PACSIN2: variants seen among roughly 807,000 people sequenced by gnomAD.
The protein encoded by PACSIN2 is protein kinase C and casein kinase substrate in neurons 2, also known as protein kinase C and casein kinase substrate in neurons protein 2.
A neutral mutation model predicts 63.8 loss-of-function variants in PACSIN2; 25 were observed. That is an observed-to-expected ratio of 0.39 (90% confidence interval 0.29 to 0.55). The LOEUF is 0.55. PACSIN2 is among the 20% of genes least tolerant of loss of function. The pLI is 0.62. For synonymous variants in PACSIN2, 255 were observed against 256.2 expected (o/e 1.00, Z 0.05); for missense variants, 518 against 646.9 (o/e 0.80, Z 2.16).
chr22:42,934,899 C>T (rs1037810433), intron 1 of PACSIN2, among the ~76,000 whole-genome samples: 1 of 137,188 alleles, frequency 7.3e-6, no homozygotes, highest in Non-Finnish European at 1.5e-5. Context: ...TCTTTCTTTT[C>T]TTTTCTTTCT....
intron 2 of PACSIN2, among the ~76,000 whole-genome samples, chr22:42,901,844 C>T (rs1429902383): frequency 6.6e-6 from 1 of 152,194 alleles, no homozygotes; most frequent in Non-Finnish European, 1.5e-5. Flanking sequence ...ACTCTGGTTC[C>T]ATGGGCTTTG....
In PACSIN2 at chr22:42,911,267, A is replaced by G. The variant is rs1217566818; in HGVS notation, c.60+754T>C. Among the ~76,000 whole-genome samples the G allele has an allele frequency of 8.5e-5, 13 of 152,052 alleles. No individual in the cohort carries two copies. The East Asian group carries it at 2.3e-3, about 27-fold the overall frequency. The stretch of plus-strand genomic sequence containing the variant: ...GGGGTTTTGCCACAGGGACAAAATT[A>G]GACCAAAAATTGACTTCCTATAGTC... On this transcript the variant is annotated intron_variant, in intron 2 of 10. Coordinates refer to ENST00000263246, the MANE Select transcript of PACSIN2 (RefSeq NM_001184970.3).
chr22:43,006,161 G>A (rs1924077485), intron 1 of PACSIN2, among the ~76,000 whole-genome samples: 1 of 152,116 alleles, frequency 6.6e-6, no homozygotes, highest in Admixed American at 6.6e-5. Context: ...GCTATAAGAA[G>A]TCAGCAATCC....
rs1036496909 is a variant in PACSIN2, at chr22:42,995,266, T to A, written c.-78+19755A>T. On this transcript the variant is annotated intron_variant, in intron 1 of 10. Coordinates refer to ENST00000263246, the MANE Select transcript of PACSIN2 (RefSeq NM_001184970.3). Reference sequence around the variant, plus strand: ...CAGAGGAGGAGCTCTGCTTCTGACATGAAGTGTGGCAAGCCTTAGAAGGAA... The same window carrying A: ...CAGAGGAGGAGCTCTGCTTCTGACAAGAAGTGTGGCAAGCCTTAGAAGGAA... Among the ~76,000 whole-genome samples, 4 of 152,232 alleles carry A rather than the reference T, an allele frequency of 2.6e-5. No individual in the cohort carries two copies. In the East Asian group the frequency reaches 7.7e-4, roughly 29 times the overall value.
chr22:42,889,715 G>A (rs982368378), intron 4 of PACSIN2, among the ~76,000 whole-genome samples: 1 of 152,150 alleles, frequency 6.6e-6, no homozygotes, highest in Non-Finnish European at 1.5e-5. Context: ...AATGGGGGGC[G>A]AGGCTGCAGG....
At chr22:42,934,799 C>A (rs1932859541) in intron 1 of PACSIN2, among the ~76,000 whole-genome samples, 1 of 152,258 alleles carries the variant, frequency 6.6e-6, no homozygotes, top group African/African-American at 2.4e-5. Context: ...CCTGCCTTCC[C>A]TAGTGCCTAT....
chr22:42,902,038 G>T (rs531102875), intron 2 of PACSIN2, among the ~76,000 whole-genome samples: 1 of 152,348 alleles, frequency 6.6e-6, no homozygotes, highest in Admixed American at 6.5e-5. Flanking sequence ...ACACTCTCTT[G>T]CCACTGAGAG....
At chr22:42,997,574 T>TAATA (rs149893267) in intron 1 of PACSIN2, among the ~76,000 whole-genome samples, 3,847 of 138,766 alleles carry the variant, frequency 0.028, 166 homozygotes, top group African/African-American at 0.098. Context: ...AAACAATAAA[T>TAATA]AATAAATAAA....
chr22:42,978,012 G>C (rs550147145), intron 1 of PACSIN2, among the ~76,000 whole-genome samples: 179 of 152,300 alleles, frequency 1.2e-3, no homozygotes, highest in Non-Finnish European at 2.0e-3. Flanking sequence ...AAAAAGACTA[G>C]AGCAATTCAG....
At chr22:42,921,737 A>G (rs536826967) in intron 1 of PACSIN2, among the ~76,000 whole-genome samples, 24 of 139,212 alleles carry the variant, frequency 1.7e-4, no homozygotes, top group African/African-American at 6.0e-4. Context: ...CTTCATTTAG[A>G]AGCTTTTTTT....
intron 1 of PACSIN2, among the ~76,000 whole-genome samples, chr22:42,933,164 C>A (rs2146780248): frequency 1.3e-5 from 2 of 152,290 alleles, no homozygotes; most frequent in Non-Finnish European, 2.9e-5. Flanking sequence ...CCTTGTTATC[C>A]CTGAAAAGTT....
intron 1 of PACSIN2, among the ~76,000 whole-genome samples, chr22:42,930,486 A>G (rs1932762073): frequency 6.6e-6 from 1 of 152,198 alleles, no homozygotes; most frequent in Admixed American, 6.5e-5. Context: ...CAAGAAGTAC[A>G]TGGATACCCA....
At chr22:42,899,464 G>A (rs57451741) in intron 2 of PACSIN2, among the ~76,000 whole-genome samples, 3,395 of 152,138 alleles carry the variant, frequency 0.022, 122 homozygotes, top group African/African-American at 0.079. Context: ...TCTGTATGTG[G>A]GTGCCCAGAG....
At chr22:42,925,024 G>A (rs928783172) in intron 1 of PACSIN2, among the ~76,000 whole-genome samples, 2 of 151,838 alleles carry the variant, frequency 1.3e-5, no homozygotes, top group African/African-American at 2.4e-5. Context: ...GATCACAGGC[G>A]TGAGCCACTG....
chr22:42,929,804 C>T (rs912116529), intron 1 of PACSIN2, among the ~76,000 whole-genome samples: 1 of 152,206 alleles, frequency 6.6e-6, no homozygotes, highest in Admixed American at 6.5e-5. Flanking sequence ...CCTCAAACAG[C>T]CTCCCAGATG....
intron 1 of PACSIN2, among the ~76,000 whole-genome samples, chr22:42,999,012 G>A (rs545590757): frequency 3.3e-5 from 5 of 152,050 alleles, no homozygotes; most frequent in African/African-American, 1.2e-4. Flanking sequence ...ATAAAATCCC[G>A]CATTCACCAT....
chr22:42,955,578 C>T (rs1398739908), intron 1 of PACSIN2, among the ~76,000 whole-genome samples: 1 of 152,182 alleles, frequency 6.6e-6, no homozygotes, highest in Non-Finnish European at 1.5e-5. Flanking sequence ...CAAATGCAAA[C>T]TCTTCAACCT....
Position 42,882,222 on chromosome 22 carries a change from G to A in PACSIN2, c.868C>T (p.His290Tyr), listed in dbSNP as rs748281146. 6 of 1,614,062 alleles carry A rather than the reference G, an allele frequency of 3.7e-6. No homozygotes were observed. Among genetic ancestry groups the A allele is most frequent in the Non-Finnish European group, 5.1e-6 (6 of 1,179,972 alleles). Residue 290 changes from histidine (H) to tyrosine (Y), a missense_variant, in exon 7 of 11, where the codon CAC (histidine) becomes TAC (tyrosine). By Grantham distance (83) the His-to-Tyr change is moderately conservative (BLOSUM62 2). Coordinates refer to ENST00000263246, the MANE Select transcript of PACSIN2 (RefSeq NM_001184970.3). ...CAGTTCATGGCCATGCCCGGCCCGT[G>A]ATTGGCTCGGAACCACCTCAGGTCC... is the stretch of plus-strand genomic sequence containing the variant. The part of the protein sequence containing the change: ...VEDLRWFRAN[H>Y]GPGMAMNWPQ...
At chr22:42,947,705 G>C (rs1933490579) in intron 1 of PACSIN2, among the ~76,000 whole-genome samples, 1 of 151,922 alleles carries the variant, frequency 6.6e-6, no homozygotes, top group African/African-American at 2.4e-5. Flanking sequence ...TGATCCAGCT[G>C]CCTCAGGCAA....
Sources: gnomAD v4.1 joint callset for allele counts (sites outside exome capture counted in the v4.1 genomes callset) on GRCh38, gnomAD v4.1.1 for gene constraint, MANE v1.5 for transcripts, NCBI Gene and HGNC (gene_info 2026-07-23, HGNC 2026-07-21) for gene names.